The following DLG2 variants were observed in gnomAD, a reference collection of about 807,000 sequenced individuals.
DLG2 encodes disks large homolog 2.
In DLG2, 45 loss-of-function variants were observed where a neutral mutation model predicts 132.5. The ratio of observed to expected loss-of-function variants is 0.34; its 90% CI spans 0.27 to 0.44. The LOEUF is 0.44. Ranked by LOEUF, DLG2 falls within the 20% of genes least tolerant of loss-of-function variation. The probability of loss-of-function intolerance (pLI) is 1.00; values close to 1 mark genes in which losing one functional copy is unlikely to be tolerated. For synonymous variants in DLG2, 424 were observed against 419.6 expected, an observed-to-expected ratio of 1.01 and a Z score of -0.13; for missense variants, 1,045 against 1,196.9, an observed-to-expected ratio of 0.87 and a Z score of 1.87.
chr11:83,916,567 C>T (rs1389112916), intron 15 of DLG2, among the ~76,000 whole-genome samples: 3 of 152,134 alleles, frequency 2.0e-5, no homozygotes, highest in Non-Finnish European at 2.9e-5. Context: ...CTGTCCACCT[C>T]GGCCTCCCAA....
intron 4 of DLG2, among the ~76,000 whole-genome samples, chr11:85,227,843 TCTC>T (rs1010881199): frequency 2.6e-5 from 4 of 151,946 alleles, no homozygotes; most frequent in Non-Finnish European, 5.9e-5. Context: ...GCCACACTCT[TCTC>T]CTATTTATTT....
At chr11:85,465,188 G>C (rs2092745508) in intron 3 of DLG2, among the ~76,000 whole-genome samples, 1 of 142,904 alleles carries the variant, frequency 7.0e-6, no homozygotes, top group Non-Finnish European at 1.5e-5. Context: ...TGTTACCCAG[G>C]GTTAATTGTC....
chr11:85,216,858 G>A (rs2082643553), intron 4 of DLG2, among the ~76,000 whole-genome samples: 1 of 152,018 alleles, frequency 6.6e-6, no homozygotes, highest in South Asian at 2.1e-4. Context: ...ACCACGCCCA[G>A]CTAATTTTTG....
intron 3 of DLG2, among the ~76,000 whole-genome samples, chr11:85,439,002 T>C (rs1387865041): frequency 6.6e-6 from 1 of 152,220 alleles, no homozygotes; most frequent in African/African-American, 2.4e-5. Flanking sequence ...GTCATCCAAC[T>C]TATGTATATA....
At chr11:84,434,954 A>T (rs1426136188) in intron 7 of DLG2, among the ~76,000 whole-genome samples, 1 of 149,944 alleles carries the variant, frequency 6.7e-6, no homozygotes, top group Non-Finnish European at 1.5e-5. Context: ...CCCAGAATTT[A>T]TAGAGGGTAC....
intron 18 of DLG2, among the ~76,000 whole-genome samples, chr11:83,782,159 T>C (rs2094855007): frequency 6.6e-6 from 1 of 152,172 alleles, no homozygotes; most frequent in Non-Finnish European, 1.5e-5. Flanking sequence ...ACACCAAATG[T>C]CCAAACCAGG....
At chr11:84,975,298 T>C (rs924510918) in intron 6 of DLG2, among the ~76,000 whole-genome samples, 22 of 152,174 alleles carry the variant, frequency 1.4e-4, no homozygotes, top group African/African-American at 5.3e-4. Context: ...TTCCTTTGCA[T>C]AGGTGGGGTG....
chr11:83,767,543 C>T (rs2094196673), intron 18 of DLG2, among the ~76,000 whole-genome samples: 1 of 152,214 alleles, frequency 6.6e-6, no homozygotes, highest in Non-Finnish European at 1.5e-5. Flanking sequence ...AGGGAGGCTA[C>T]AGCCAGACCA....
At chr11:84,748,501 T>A (rs946860722) in intron 6 of DLG2, among the ~76,000 whole-genome samples, 2 of 152,224 alleles carry the variant, frequency 1.3e-5, no homozygotes, top group African/African-American at 4.8e-5. Flanking sequence ...TTTGGATTTA[T>A]TTATTAAATT....
At chr11:83,888,555 C>T (rs2154082956) in intron 15 of DLG2, among the ~76,000 whole-genome samples, 1 of 152,280 alleles carries the variant, frequency 6.6e-6, no homozygotes, top group Non-Finnish European at 1.5e-5. Context: ...AATGCCATCC[C>T]CATCAAGCTA....
At chr11:84,157,601 T>G (rs900628899) in intron 9 of DLG2, among the ~76,000 whole-genome samples, 8 of 152,140 alleles carry the variant, frequency 5.3e-5, no homozygotes, top group Non-Finnish European at 7.3e-5. Context: ...TGGCTTTCAC[T>G]CTCTTTTACA....
intron 6 of DLG2, among the ~76,000 whole-genome samples, chr11:84,773,982 A>T (rs1396801726): frequency 6.6e-6 from 1 of 152,140 alleles, no homozygotes; most frequent in Non-Finnish European, 1.5e-5. Context: ...CAAATAGGAA[A>T]AGAAGTCAAA....
intron 18 of DLG2, among the ~76,000 whole-genome samples, chr11:83,729,406 C>T (rs148651514): frequency 6.4e-4 from 98 of 152,252 alleles, no homozygotes; most frequent in East Asian, 4.0e-3. Flanking sequence ...ATACAATCTC[C>T]GTGTGGGACA....
In DLG2 at chr11:85,432,310, T is replaced by G. The variant is rs1475905997; in HGVS notation, c.41-146945A>C. 2.0e-5 allele frequency among the ~76,000 whole-genome samples: 3 copies of G among 152,074 alleles called. No individual in the cohort carries two copies. In the East Asian group the frequency reaches 5.8e-4, roughly 29 times the overall value. On this transcript the variant is annotated intron_variant, in intron 3 of 27. Transcript: ENST00000376104. The stretch of plus-strand genomic sequence containing the variant: ...CACCTCTCCAGCAAGGGTGCAGAAC[T>G]GGACGAAGGATGAGATAGATGAATT...
chr11:83,884,388 G>C (rs556919989), intron 15 of DLG2, among the ~76,000 whole-genome samples: 61 of 152,310 alleles, frequency 4.0e-4, no homozygotes, highest in Middle Eastern at 3.4e-3. Context: ...GCGAGGCTAG[G>C]GGGAGGGGCG....
At chr11:84,543,449 C>T (rs952582502) in intron 6 of DLG2, among the ~76,000 whole-genome samples, 1 of 152,150 alleles carries the variant, frequency 6.6e-6, no homozygotes, top group African/African-American at 2.4e-5. Context: ...TCTTCATAAA[C>T]CTTGGCACAT....
At chr11:85,130,677 T>C (rs570496654) in intron 5 of DLG2, among the ~76,000 whole-genome samples, 2 of 152,264 alleles carry the variant, frequency 1.3e-5, no homozygotes, top group East Asian at 3.9e-4. Flanking sequence ...AACTTATTGC[T>C]GGGGGATAAG....
At chr11:85,164,909 T>C (rs1476606720) in intron 4 of DLG2, among the ~76,000 whole-genome samples, 3 of 152,290 alleles carry the variant, frequency 2.0e-5, no homozygotes, top group South Asian at 2.1e-4. Flanking sequence ...TCCTTTCAAA[T>C]TGTGGTTCCC....
chr11:83,709,249 G>GTGTA (rs1406536323), intron 18 of DLG2, among the ~76,000 whole-genome samples: 4 of 145,392 alleles, frequency 2.8e-5, no homozygotes, highest in South Asian at 2.2e-4. Context: ...GTGTGTGTGT[G>GTGTA]TATATGTGTG....
Sources: gnomAD v4.1 joint callset for allele counts (sites outside exome capture counted in the v4.1 genomes callset) on GRCh38, gnomAD v4.1.1 for gene constraint, MANE v1.5 for transcripts, NCBI Gene and HGNC (gene_info 2026-07-23, HGNC 2026-07-21) for gene names.